GRID2: variants seen among roughly 807,000 people sequenced by gnomAD.
The protein encoded by GRID2 is glutamate ionotropic receptor delta type subunit 2.
In GRID2, 33 loss-of-function variants were observed where a neutral mutation model predicts 114.8. The ratio of observed to expected loss-of-function variants is 0.29; its 90% CI spans 0.22 to 0.38. The LOEUF is 0.38. Ranked by LOEUF, GRID2 falls within the 10% of genes least tolerant of loss-of-function variation. The pLI is 1.00. For missense variants in GRID2, 1,184 were observed against 1,257.7 expected, an observed-to-expected ratio of 0.94 and a Z score of 0.89; for synonymous variants, 505 against 449.9, an observed-to-expected ratio of 1.12 and a Z score of -1.55.
intron 4 of GRID2, among the ~76,000 whole-genome samples, chr4:93,195,141 C>T (rs1301250951): frequency 1.3e-5 from 2 of 152,058 alleles, no homozygotes; most frequent in South Asian, 2.1e-4. Flanking sequence ...AGGACTACTC[C>T]CCTCATGTAA....
intron 4 of GRID2, among the ~76,000 whole-genome samples, chr4:93,156,119 T>A (rs988398122): frequency 6.6e-6 from 1 of 151,582 alleles, no homozygotes; most frequent in Non-Finnish European, 1.5e-5. Context: ...CCCATAATAA[T>A]TAAAAATTTT....
chr4:93,505,757 T>C (rs926212702), intron 12 of GRID2, among the ~76,000 whole-genome samples: 9 of 151,798 alleles, frequency 5.9e-5, no homozygotes, highest in Admixed American at 5.9e-4. Context: ...CCATTTAAAA[T>C]AGAGAAAAGG....
intron 8 of GRID2, among the ~76,000 whole-genome samples, chr4:93,367,128 A>G (rs934261413): frequency 6.6e-6 from 1 of 151,828 alleles, no homozygotes; most frequent in Non-Finnish European, 1.5e-5. Context: ...AGTTGTTTCA[A>G]ATTATTTGAG....
At chr4:93,771,005 A>T (rs931493505) in intron 15 of GRID2, among the ~76,000 whole-genome samples, 1 of 152,194 alleles carries the variant, frequency 6.6e-6, no homozygotes, top group African/African-American at 2.4e-5. Flanking sequence ...GGAACACTAT[A>T]ATAGCACAAT....
chr4:92,985,514 G>A (rs1395382954), intron 2 of GRID2, among the ~76,000 whole-genome samples: 1 of 152,126 alleles, frequency 6.6e-6, no homozygotes, highest in East Asian at 1.9e-4. Flanking sequence ...TGGGATTACA[G>A]GCGTAAGCCA....
chr4:93,379,944 A>G (rs1319667669), intron 8 of GRID2, among the ~76,000 whole-genome samples: 2 of 152,104 alleles, frequency 1.3e-5, no homozygotes, highest in Non-Finnish European at 2.9e-5. Context: ...ATAGTGTTTT[A>G]ACTTAACAGA....
At chr4:92,996,759 C>T (rs1399705080) in intron 2 of GRID2, among the ~76,000 whole-genome samples, 1 of 152,118 alleles carries the variant, frequency 6.6e-6, no homozygotes, top group Non-Finnish European at 1.5e-5. Flanking sequence ...ACTTCTGGCA[C>T]CCGTTGGAGC....
Position 93,741,159 on chromosome 4 carries a change from C to CTA in GRID2, c.2361-28038_2361-28037dup, listed in dbSNP as rs879839195. On this transcript the variant is annotated intron_variant, in intron 14 of 15. Coordinates refer to ENST00000282020, the MANE Select transcript of GRID2 (RefSeq NM_001510.4). ...TAACTAACTGATTTCACCTGAGAAA[C>CTA]TATATATATATATACATATATATAT... is the stretch of plus-strand genomic sequence containing the variant. 6.9e-3 allele frequency among the ~76,000 whole-genome samples: 325 copies of CTA among 47,044 alleles called. 18 individuals carry two copies. The highest frequency in any genetic ancestry group is 0.01 in the Admixed American group (36 of 3,468). 30.9% of individuals were successfully genotyped at this position (47,044 alleles called of 152,430 possible).
intron 11 of GRID2, among the ~76,000 whole-genome samples, chr4:93,471,395 C>CA (rs1369961252): frequency 3.9e-5 from 6 of 152,114 alleles, no homozygotes; most frequent in Non-Finnish European, 7.4e-5. Context: ...TTTTATCCCT[C>CA]AGTTTTTAGT....
chr4:93,591,938 C>A (rs1738380602), intron 13 of GRID2, among the ~76,000 whole-genome samples: 1 of 152,002 alleles, frequency 6.6e-6, no homozygotes, highest in African/African-American at 2.4e-5. Flanking sequence ...CTATTTGATT[C>A]TTTTCTCTTT....
At chr4:92,985,474 T>A (rs949796987) in intron 2 of GRID2, among the ~76,000 whole-genome samples, 1 of 152,032 alleles carries the variant, frequency 6.6e-6, no homozygotes, top group Non-Finnish European at 1.5e-5. Flanking sequence ...CCTGACGTCG[T>A]GATCTGCCCG....
intron 1 of GRID2, among the ~76,000 whole-genome samples, chr4:92,586,003 G>A (rs76530752): frequency 0.028 from 4,264 of 150,772 alleles, 179 homozygotes; most frequent in African/African-American, 0.089. Flanking sequence ...TATTTTATAA[G>A]ATTATATCTA....
At chr4:93,176,037 A>T (rs1310653907) in intron 4 of GRID2, among the ~76,000 whole-genome samples, 1 of 152,254 alleles carries the variant, frequency 6.6e-6, no homozygotes, top group African/African-American at 2.4e-5. Context: ...TAGCAGTCAT[A>T]ATAATGGGTG....
chr4:92,471,469 C>A (rs1722029907), intron 1 of GRID2, among the ~76,000 whole-genome samples: 1 of 152,020 alleles, frequency 6.6e-6, no homozygotes, highest in African/African-American at 2.4e-5. Flanking sequence ...CTCTTTTTTC[C>A]CATTATGTTT....
intron 1 of GRID2, among the ~76,000 whole-genome samples, chr4:92,527,588 T>G (rs1023515603): frequency 6.6e-6 from 1 of 152,092 alleles, no homozygotes; most frequent in Non-Finnish European, 1.5e-5. Context: ...TCCAAATACA[T>G]TTACAACAGA....
At chr4:92,884,875 G>C (rs1011831216) in intron 2 of GRID2, 2 of 409,146 alleles carry the variant, frequency 4.9e-6, no homozygotes, top group Admixed American at 5.9e-5. Flanking sequence ...TGTCAGTTGA[G>C]AAATGTTCTG....
chr4:92,406,432 CAT>C (rs1451425898), intron 1 of GRID2, among the ~76,000 whole-genome samples: 3 of 152,054 alleles, frequency 2.0e-5, no homozygotes, highest in East Asian at 1.9e-4. Context: ...TTTTAGAAAA[CAT>C]GTGCACAGTT....
intron 7 of GRID2, among the ~76,000 whole-genome samples, chr4:93,233,201 C>A (rs1746338432): frequency 6.6e-6 from 1 of 151,858 alleles, no homozygotes; most frequent in Admixed American, 6.6e-5. Context: ...CCCAAGGCAG[C>A]CAGAATAGAG....
In GRID2 at chr4:93,301,925, G is replaced by A. The variant is rs1254276062; in HGVS notation, c.1245+63435G>A. 2.6e-5 allele frequency among the ~76,000 whole-genome samples: 4 copies of A among 152,104 alleles called. No individual in the cohort carries two copies. In the East Asian group the frequency reaches 7.7e-4, roughly 29 times the overall value. ...AGGAAATTCGACAAATTTCTTGAGA[G>A]CCACCTACATAAGGCATTTTGTAAG... On this transcript the variant is annotated intron_variant, in intron 8 of 15. Transcript: ENST00000282020.
Sources: allele counts gnomAD v4.1 joint callset (sites outside exome capture counted in the v4.1 genomes callset), GRCh38; gene constraint gnomAD v4.1.1; transcripts MANE v1.5; gene names NCBI Gene and HGNC (gene_info 2026-07-23, HGNC 2026-07-21).